The following KAZN variants were observed in gnomAD, a reference collection of about 807,000 sequenced individuals.
KAZN encodes kazrin.
In KAZN, 40 loss-of-function variants were observed where a neutral mutation model predicts 87.4. The observed-to-expected ratio is 0.46, with a 90% CI of 0.36 to 0.60. The LOEUF (loss-of-function observed/expected upper bound fraction) is 0.60. Among genes scored for constraint, KAZN ranks in the 20% least tolerant of loss-of-function variants. KAZN has a pLI of 0.00. For missense variants in KAZN, 898 were observed against 1,073.9 expected (o/e 0.84, Z 2.29); for synonymous variants, 466 against 458.3 (o/e 1.02, Z -0.22).
intron 1 of KAZN, among the ~76,000 whole-genome samples, chr1:14,126,834 G>A (rs1644881378): frequency 1.3e-5 from 2 of 152,166 alleles, no homozygotes; most frequent in Admixed American, 6.5e-5. Flanking sequence ...GGCCAGGTGC[G>A]GTGGGTCACG....
At chr1:14,275,050 C>A (rs925373153) in intron 2 of KAZN, among the ~76,000 whole-genome samples, 3 of 152,064 alleles carry the variant, frequency 2.0e-5, no homozygotes, top group African/African-American at 4.8e-5. Context: ...TCTATGCATA[C>A]ATACATTTTA....
intron 2 of KAZN, among the ~76,000 whole-genome samples, chr1:14,998,829 C>T (rs1252674772): frequency 1.3e-5 from 2 of 152,272 alleles, no homozygotes; most frequent in Admixed American, 6.5e-5. Context: ...GGATTACAGG[C>T]GTGGGCCACC....
At position 14,960,905 on chromosome 1, in the gene KAZN, G is replaced by A. The variant is rs781562208; in HGVS notation, c.418+30G>A. ...GTGACGAGTCAGCAGCAGTTCCTTCGCTGGGAGCTCAGGCCCCAGGGATCT... is the reference window on the plus strand; with the variant it reads ...GTGACGAGTCAGCAGCAGTTCCTTCACTGGGAGCTCAGGCCCCAGGGATCT... On this transcript the variant is annotated intron_variant, in intron 2 of 14. Transcript: ENST00000376030. 63 of 1,581,832 alleles carry A rather than the reference G, an allele frequency of 4.0e-5. No homozygotes were observed. The Middle Eastern group carries it at 6.8e-4, about 17-fold the overall frequency.
chr1:14,541,444 A>G (rs1003019088), intron 2 of KAZN, among the ~76,000 whole-genome samples: 1 of 152,230 alleles, frequency 6.6e-6, no homozygotes, highest in Non-Finnish European at 1.5e-5. Context: ...AGTCCCAAAC[A>G]GTGAAGGTGA....
chr1:15,114,647 C>T lies in KAZN; in HGVS notation c.*12C>T. 1.9e-6 allele frequency: 3 copies of T among 1,569,236 alleles called. No individual in the cohort carries two copies. Among genetic ancestry groups the T allele is most frequent in the South Asian group, 1.2e-5 (1 of 85,058 alleles). On this transcript the variant is annotated 3_prime_UTR_variant, in exon 15 of 15. Transcript: ENST00000376030. Reference sequence around the variant, plus strand: ...TCACCAACGTGTAAGGAACTGGTGGCTCCACCAGACCCAACGTGAGAGACC... The same window carrying T: ...TCACCAACGTGTAAGGAACTGGTGGTTCCACCAGACCCAACGTGAGAGACC...
chr1:14,733,855 G>C (rs548467640), intron 1 of KAZN, among the ~76,000 whole-genome samples: 1 of 152,266 alleles, frequency 6.6e-6, no homozygotes, highest in Non-Finnish European at 1.5e-5. Flanking sequence ...TTGGCCCCCC[G>C]ATCAGCCTCT....
chr1:14,833,140 G>A (rs1456337880), intron 1 of KAZN, among the ~76,000 whole-genome samples: 2 of 152,336 alleles, frequency 1.3e-5, no homozygotes, highest in East Asian at 1.9e-4. Context: ...CCAGTGAGAT[G>A]CCTCAGTCGA....
At chr1:14,145,229 G>A (rs574702338) in intron 1 of KAZN, among the ~76,000 whole-genome samples, 1 of 152,194 alleles carries the variant, frequency 6.6e-6, no homozygotes, top group East Asian at 1.9e-4. Context: ...AGTCACTTGA[G>A]CCCAGGAGCT....
intron 2 of KAZN, among the ~76,000 whole-genome samples, chr1:14,997,742 G>A (rs1668044152): frequency 6.6e-6 from 1 of 152,154 alleles, no homozygotes; most frequent in South Asian, 2.1e-4. Flanking sequence ...TTGGCAGCAG[G>A]GTTCAGAGCC....
At chr1:14,113,252 C>T (rs1644537780) in intron 1 of KAZN, among the ~76,000 whole-genome samples, 2 of 152,182 alleles carry the variant, frequency 1.3e-5, no homozygotes, top group Non-Finnish European at 1.5e-5. Context: ...CATACAATCC[C>T]TGTCTCTTAG....
chr1:14,202,638 G>T (rs908050075), intron 2 of KAZN, among the ~76,000 whole-genome samples: 3 of 152,168 alleles, frequency 2.0e-5, no homozygotes, highest in African/African-American at 7.2e-5. Flanking sequence ...TATTATTTTA[G>T]CTAGTGACCT....
chr1:15,103,522 T>C lies in KAZN; in HGVS notation c.1881+62T>C, dbSNP rs61005311. 1,160 of 997,410 alleles carry C rather than the reference T, an allele frequency of 1.2e-3. 19 individuals carry two copies. The African/African-American group carries it at 0.015, about 13-fold the overall frequency. The allele number at this position is 997,410 out of a possible 1,614,324, so 61.8% of individuals were successfully genotyped here. A position where few individuals can be genotyped will look rare whatever the true frequency, so the allele number is the denominator to read the frequency against. On this transcript the variant is annotated intron_variant, in intron 12 of 14. Coordinates refer to ENST00000376030, the MANE Select transcript of KAZN (RefSeq NM_201628.3). ...CATACACAAACCCCATGCAAATCTA[T>C]ATGCAAATCAATATGCAAATCACAT...
chr1:14,535,220 C>A (rs1672417939), intron 2 of KAZN, among the ~76,000 whole-genome samples: 1 of 152,196 alleles, frequency 6.6e-6, no homozygotes, highest in Non-Finnish European at 1.5e-5. Context: ...AGCCCTTTGG[C>A]CATTTGCTGT....
intron 2 of KAZN, among the ~76,000 whole-genome samples, chr1:14,963,017 C>T (rs1330990255): frequency 3.3e-5 from 5 of 150,756 alleles, no homozygotes; most frequent in Admixed American, 2.0e-4. Flanking sequence ...GAGAATGAAA[C>T]GAGGTAATGT....
At chr1:14,670,333 C>G (rs1299996923) in intron 1 of KAZN, among the ~76,000 whole-genome samples, 2 of 152,124 alleles carry the variant, frequency 1.3e-5, no homozygotes, top group East Asian at 3.9e-4. Context: ...TCAGAGGCAC[C>G]TGGAAGCCTC....
rs1325289575 is a variant in KAZN, at chr1:14,769,749, A to G, written c.226+170526A>G. On this transcript the variant is annotated intron_variant, in intron 1 of 14. Transcript: ENST00000376030. The surrounding 1 kb of genome is among the most constrained non-coding windows in gnomAD (Gnocchi z 4.1). ...TCCTTCATTCGTTCATTTAGTCAGC[A>G]AACATGGATTGACCATCCTCTGTGT... is the stretch of plus-strand genomic sequence containing the variant. Among the ~76,000 whole-genome samples, 1 of 152,202 alleles carries G rather than the reference A, an allele frequency of 6.6e-6. No individual in the cohort carries two copies. The highest frequency in any genetic ancestry group is 1.5e-5 in the Non-Finnish European group (1 of 68,038).
chr1:14,208,713 C>T (rs1646793268), intron 2 of KAZN, among the ~76,000 whole-genome samples: 1 of 152,200 alleles, frequency 6.6e-6, no homozygotes, highest in African/African-American at 2.4e-5. Flanking sequence ...ATATAATTTT[C>T]TGCATTTAAC....
Position 15,094,805 on chromosome 1 carries a change from C to T in KAZN, c.1429-10C>T. ...CCCAGCCCCCATATGACACTCCCTC[C>T]CGGGGGCAGGTGCTGCTGAGCCTGA... On this transcript the variant is annotated splice_polypyrimidine_tract_variant and intron_variant, in intron 9 of 14. Coordinates refer to ENST00000376030, the MANE Select transcript of KAZN (RefSeq NM_201628.3). The surrounding 1 kb of genome is among the most constrained non-coding windows in gnomAD (Gnocchi z 4.5). 1 of 1,543,984 alleles carries T rather than the reference C, an allele frequency of 6.5e-7. No individual in the cohort carries two copies. The highest frequency in any genetic ancestry group is 1.4e-5 in the African/African-American group (1 of 73,050).
At chr1:15,073,518 C>A (rs544125231) in intron 8 of KAZN, among the ~76,000 whole-genome samples, 22 of 152,170 alleles carry the variant, frequency 1.4e-4, no homozygotes, top group Non-Finnish European at 2.9e-4. Context: ...CCAAGCCAGA[C>A]CCCAAGCTGC....
Sources: gnomAD v4.1 joint callset for allele counts (sites outside exome capture counted in the v4.1 genomes callset) on GRCh38, gnomAD v4.1.1 for gene constraint, Gnocchi (gnomAD v3.1) non-coding constraint, MANE v1.5 for transcripts, NCBI Gene and HGNC (gene_info 2026-07-23, HGNC 2026-07-21) for gene names.